The following LDAH variants were observed in gnomAD, a reference collection of about 807,000 sequenced individuals.
LDAH encodes the protein lipid droplet associated hydrolase.
A neutral mutation model predicts 29.6 loss-of-function variants in LDAH; 26 were observed. That is an observed-to-expected ratio of 0.88 (90% CI 0.64 to 1.22). The LOEUF (loss-of-function observed/expected upper bound fraction) is 1.22, where lower values mean the gene tolerates loss of function less well. Among genes scored for constraint, LDAH ranks in the 50% most tolerant of loss-of-function variants. The pLI is 0.00. For synonymous variants in LDAH, 117 were observed against 133.0 expected (o/e 0.88, Z 0.83); for missense variants, 344 against 387.3 (o/e 0.89, Z 0.94).
At chr2:20,716,965 T>G (rs1665259347) in intron 5 of LDAH, among the ~76,000 whole-genome samples, 1 of 150,776 alleles carries the variant, frequency 6.6e-6, no homozygotes, top group Non-Finnish European at 1.5e-5. Flanking sequence ...TTTAAGATAC[T>G]AAGCTTGTGT....
intron 4 of LDAH, among the ~76,000 whole-genome samples, chr2:20,768,936 G>A (rs1669226820): frequency 6.6e-6 from 1 of 152,056 alleles, no homozygotes; most frequent in African/African-American, 2.4e-5. Flanking sequence ...TTTACCTGAT[G>A]CATGACTGCT....
chr2:20,722,540 T>C (rs575556771), intron 5 of LDAH, among the ~76,000 whole-genome samples: 6 of 152,072 alleles, frequency 3.9e-5, no homozygotes, highest in Non-Finnish European at 7.4e-5. Flanking sequence ...TATTTGATAA[T>C]GCAGTGGGAA....
At chr2:20,694,047 G>A (rs1026675546) in intron 6 of LDAH, among the ~76,000 whole-genome samples, 3 of 152,150 alleles carry the variant, frequency 2.0e-5, no homozygotes, top group African/African-American at 7.2e-5. Flanking sequence ...CAGGTTTTTT[G>A]CTTGTTTCAT....
intron 2 of LDAH, among the ~76,000 whole-genome samples, chr2:20,799,645 C>A (rs879404457): frequency 1.3e-5 from 2 of 152,060 alleles, no homozygotes; most frequent in African/African-American, 2.4e-5. Context: ...CATGTTTGTA[C>A]CTGTTTACCT....
rs532097977 is a variant in LDAH, at chr2:20,685,210, C to A, written c.*1693G>T. 2 of 471,048 alleles carry A rather than the reference C, an allele frequency of 4.2e-6. No homozygotes were observed. The highest frequency in any genetic ancestry group is 9.3e-5 in the South Asian group (2 of 21,528). The allele number at this position is 471,048 out of a possible 1,614,324, so 29.2% of individuals were successfully genotyped here. On this transcript the variant is annotated 3_prime_UTR_variant, in exon 7 of 7. Transcript: ENST00000237822. ...AAATATGGAGTAACATTTAAAATAA[C>A]AGATAAAAGAAAAGCTCTGAATGTT...
At chr2:20,759,618 T>C (rs1668545257) in intron 4 of LDAH, among the ~76,000 whole-genome samples, 2 of 152,134 alleles carry the variant, frequency 1.3e-5, no homozygotes, top group African/African-American at 4.8e-5. Context: ...ATCATACTTC[T>C]CATCTCCACA....
intron 3 of LDAH, among the ~76,000 whole-genome samples, chr2:20,778,740 A>C (rs1669981346): frequency 6.6e-6 from 1 of 152,214 alleles, no homozygotes; most frequent in African/African-American, 2.4e-5. Context: ...TTATTGGATC[A>C]CAATAGAAGG....
At chr2:20,782,676 TC>T (rs1431093142) in intron 3 of LDAH, among the ~76,000 whole-genome samples, 1 of 152,196 alleles carries the variant, frequency 6.6e-6, no homozygotes, top group Non-Finnish European at 1.5e-5. Context: ...AATCTTCTTT[TC>T]TTTCTGAATA....
intron 1 of LDAH, among the ~76,000 whole-genome samples, chr2:20,822,097 G>A (rs1673355936): frequency 6.6e-6 from 1 of 150,882 alleles, no homozygotes; most frequent in Non-Finnish European, 1.5e-5. Context: ...TCTCCATACA[G>A]ATTTGTTCTT....
chr2:20,809,429 C>T (rs974808889), intron 1 of LDAH, among the ~76,000 whole-genome samples: 6 of 151,780 alleles, frequency 4.0e-5, no homozygotes, highest in African/African-American at 7.3e-5. Flanking sequence ...CAAATTCCAT[C>T]CTCCATTAGA....
intron 5 of LDAH, among the ~76,000 whole-genome samples, chr2:20,702,896 G>A (rs1242351650): frequency 2.0e-5 from 3 of 152,204 alleles, no homozygotes; most frequent in Non-Finnish European, 2.9e-5. Context: ...GCAATGGCAC[G>A]ATCGTGGCTC....
At chr2:20,733,538 C>T (rs1017874188) in intron 5 of LDAH, among the ~76,000 whole-genome samples, 1 of 151,734 alleles carries the variant, frequency 6.6e-6, no homozygotes, top group Non-Finnish European at 1.5e-5. Flanking sequence ...TAGCTAGGAC[C>T]TGTTACAGGT....
At chr2:20,721,617 C>G (rs570364812) in intron 5 of LDAH, among the ~76,000 whole-genome samples, 23 of 151,670 alleles carry the variant, frequency 1.5e-4, no homozygotes, top group African/African-American at 4.8e-4. Context: ...GAGTGGCTAT[C>G]AAGAAAAAGA....
intron 5 of LDAH, among the ~76,000 whole-genome samples, chr2:20,713,233 T>A (rs1275936473): frequency 6.6e-6 from 1 of 152,204 alleles, no homozygotes; most frequent in Non-Finnish European, 1.5e-5. Context: ...GGGGCCAATA[T>A]TCAACATTCT....
intron 4 of LDAH, among the ~76,000 whole-genome samples, chr2:20,771,346 A>G (rs1257047666): frequency 6.6e-6 from 1 of 152,262 alleles, no homozygotes; most frequent in Non-Finnish European, 1.5e-5. Context: ...TACAAGAGTC[A>G]AATATTCCAG....
Position 20,684,673 on chromosome 2 carries a change from G to C in LDAH, c.*2230C>G. ...TGGACATCAGGCCACACAAGCCACAGAGGGCTTGTGGAGATGCTTATGGCT... is the reference window on the plus strand; with the variant it reads ...TGGACATCAGGCCACACAAGCCACACAGGGCTTGTGGAGATGCTTATGGCT... On this transcript the variant is annotated 3_prime_UTR_variant, in exon 7 of 7. Coordinates refer to ENST00000237822, the MANE Select transcript of LDAH (RefSeq NM_021925.4). 2.1e-6 allele frequency: 1 copy of C among 472,958 alleles called. No individual in the cohort carries two copies. Among genetic ancestry groups the C allele is most frequent in the Non-Finnish European group, 3.7e-6 (1 of 273,226 alleles). 29.3% of individuals were successfully genotyped at this position (472,958 alleles called of 1,614,324 possible). A position where few individuals can be genotyped will look rare whatever the true frequency, so the allele number is the denominator to read the frequency against.
intron 4 of LDAH, among the ~76,000 whole-genome samples, chr2:20,749,595 G>A (rs998131074): frequency 1.3e-5 from 2 of 152,150 alleles, no homozygotes; most frequent in African/African-American, 2.4e-5. Flanking sequence ...GCTGCCCCAG[G>A]ACACTCTCAG....
intron 4 of LDAH, among the ~76,000 whole-genome samples, chr2:20,740,546 T>C (rs1352840020): frequency 1.3e-5 from 2 of 152,304 alleles, no homozygotes; most frequent in South Asian, 2.1e-4. Flanking sequence ...TGGGATCAAA[T>C]GATTCTCCTG....
At chr2:20,749,807 G>C (rs1667834757) in intron 4 of LDAH, among the ~76,000 whole-genome samples, 1 of 152,110 alleles carries the variant, frequency 6.6e-6, no homozygotes, top group Non-Finnish European at 1.5e-5. Flanking sequence ...TTTGATAACA[G>C]AACAGGTTAG....
Sources: allele counts gnomAD v4.1 joint callset (sites outside exome capture counted in the v4.1 genomes callset), GRCh38; gene constraint gnomAD v4.1.1; transcripts MANE v1.5; gene names NCBI Gene and HGNC (gene_info 2026-07-23, HGNC 2026-07-21).